The following JAM2 variants were observed in gnomAD, a reference collection of about 807,000 sequenced individuals.
The protein encoded by JAM2 is junctional adhesion molecule B.
Under a neutral mutation model 42.0 loss-of-function variants are expected in JAM2, and 17 were observed. That is an observed-to-expected ratio of 0.40 (90% CI 0.28 to 0.61). The LOEUF is 0.61. Among genes scored for constraint, JAM2 ranks in the 20% least tolerant of loss-of-function variants. JAM2 has a pLI of 0.37. For synonymous variants in JAM2, 118 were observed against 128.6 expected (o/e 0.92, Z 0.56); for missense variants, 319 against 358.3 (o/e 0.89, Z 0.89).
At chr21:25,680,700 G>C (rs1164647311) in intron 1 of JAM2, among the ~76,000 whole-genome samples, 2 of 152,188 alleles carry the variant, frequency 1.3e-5, no homozygotes, top group Non-Finnish European at 2.9e-5. Flanking sequence ...GCAAATAAAT[G>C]CTAGTTGGGT....
chr21:25,674,724 G>C lies in JAM2; in HGVS notation c.68-9159G>C, dbSNP rs73897026. ...GAGGAAGGGCCAGATTGTCTAGTTCGAGAGACTGTAAAGACATGTGTCTGC... is the reference window on the plus strand; with the variant it reads ...GAGGAAGGGCCAGATTGTCTAGTTCCAGAGACTGTAAAGACATGTGTCTGC... On this transcript the variant is annotated intron_variant, in intron 1 of 9. Coordinates refer to ENST00000480456, the MANE Select transcript of JAM2 (RefSeq NM_021219.4). Among the ~76,000 whole-genome samples the C allele has an allele frequency of 7.4e-3, 1,118 of 151,564 alleles. 18 individuals are homozygous for C. The highest frequency in any genetic ancestry group is 0.026 in the African/African-American group (1,054 of 41,258).
At chr21:25,647,774 A>C (rs1352653355) in intron 1 of JAM2, among the ~76,000 whole-genome samples, 1 of 152,278 alleles carries the variant, frequency 6.6e-6, no homozygotes, top group East Asian at 1.9e-4. Context: ...GCACCAGCTA[A>C]GATTCACAGA....
chr21:25,666,539 A>AT (rs1038546136), intron 1 of JAM2, among the ~76,000 whole-genome samples: 5 of 151,426 alleles, frequency 3.3e-5, no homozygotes, highest in African/African-American at 9.7e-5. Flanking sequence ...TGGCCAGGCT[A>AT]TTTTTTTATT....
intron 1 of JAM2, among the ~76,000 whole-genome samples, chr21:25,652,201 T>C (rs539846575): frequency 6.6e-6 from 1 of 151,856 alleles, no homozygotes; most frequent in African/African-American, 2.4e-5. Context: ...GCCTAGGCCA[T>C]ATAGGAAGGC....
At chr21:25,700,303 T>C (rs2034138185) in intron 5 of JAM2, among the ~76,000 whole-genome samples, 1 of 145,976 alleles carries the variant, frequency 6.9e-6, no homozygotes, top group Admixed American at 6.7e-5. Context: ...AGAATCACTA[T>C]GACAGCGATT....
chr21:25,677,140 T>A (rs1006924682), intron 1 of JAM2, among the ~76,000 whole-genome samples: 3 of 151,858 alleles, frequency 2.0e-5, no homozygotes, highest in African/African-American at 7.3e-5. Flanking sequence ...ACTTCACCAC[T>A]ACACAATATA....
chr21:25,685,804 G>C (rs1173473712), intron 2 of JAM2, among the ~76,000 whole-genome samples: 1 of 152,116 alleles, frequency 6.6e-6, no homozygotes, highest in Non-Finnish European at 1.5e-5. Flanking sequence ...ACAAGGGTGA[G>C]CACAGAGTGC....
At chr21:25,702,056 A>C (rs1289728197) in intron 5 of JAM2, 114 bp from the exon 6 acceptor site, 2 of 509,290 alleles carry the variant, frequency 3.9e-6, no homozygotes, top group Non-Finnish European at 3.4e-6. Context: ...GAAAGTCCCA[A>C]ATTTTTAAAA....
intron 1 of JAM2, among the ~76,000 whole-genome samples, chr21:25,641,890 G>T (rs2032454849): frequency 6.6e-6 from 1 of 152,134 alleles, no homozygotes; most frequent in African/African-American, 2.4e-5. Flanking sequence ...TGGGTTTGAG[G>T]AGTTCTGGTC....
At chr21:25,647,895 A>G (rs2032658139) in intron 1 of JAM2, among the ~76,000 whole-genome samples, 1 of 152,188 alleles carries the variant, frequency 6.6e-6, no homozygotes, top group South Asian at 2.1e-4. Context: ...AAAAGAGAGA[A>G]TGGTGTTTAT....
chr21:25,689,147 G>T (rs1411071395), intron 2 of JAM2, among the ~76,000 whole-genome samples: 1 of 152,080 alleles, frequency 6.6e-6, no homozygotes, highest in Non-Finnish European at 1.5e-5. Context: ...CTACATTGAG[G>T]CAGTTACACT....
intron 7 of JAM2, 63 bp from the exon 8 acceptor site, chr21:25,709,371 A>G (rs1288096933): frequency 2.4e-6 from 2 of 836,244 alleles, no homozygotes; most frequent in Non-Finnish European, 1.9e-6. Flanking sequence ...ACTCATTTTT[A>G]TATGAATCTG....
At chr21:25,697,005 C>CCATTTTTTTTTT (rs1568914092) in intron 4 of JAM2, among the ~76,000 whole-genome samples, 1 of 144,214 alleles carries the variant, frequency 6.9e-6, no homozygotes, top group Non-Finnish European at 1.5e-5. Context: ...AGGCACACAC[C>CCATTTTTTTTTT]TATTTTTTTT....
At chr21:25,660,783 T>TATATATATTTATATA (rs59547156) in intron 1 of JAM2, among the ~76,000 whole-genome samples, 1 of 36,394 alleles carries the variant, frequency 2.7e-5, no homozygotes, top group East Asian at 1.2e-3. Flanking sequence ...TATATATATA[T>TATATATATTTATATA]TTTTTTTTTT....
At chr21:25,656,303 A>G (rs186178415) in intron 1 of JAM2, among the ~76,000 whole-genome samples, 37 of 152,366 alleles carry the variant, frequency 2.4e-4, no homozygotes, top group Non-Finnish European at 4.1e-4. Context: ...AAACAAGTAA[A>G]GAGAATACCT....
intron 1 of JAM2, among the ~76,000 whole-genome samples, chr21:25,641,864 CT>C (rs1600981394): frequency 6.6e-6 from 1 of 152,086 alleles, no homozygotes; most frequent in East Asian, 1.9e-4. Flanking sequence ...GCTTCCCTTG[CT>C]TTCTCTTACT....
intron 6 of JAM2, among the ~76,000 whole-genome samples, chr21:25,704,134 A>G (rs2034224607): frequency 6.6e-6 from 1 of 152,130 alleles, no homozygotes; most frequent in African/African-American, 2.4e-5. Context: ...ACTACTACAA[A>G]GTAAATAGAA....
In JAM2 at chr21:25,643,898, G is replaced by GAAATT. The variant is rs1600983917; in HGVS notation, c.67+4010_67+4011insAAATT. ...CCATTGCATTGGTTTCCTCCTGTGG[G>GAAATT]CCTTCCTCATAGAGAAGATGTATTG... On this transcript the variant is annotated intron_variant, in intron 1 of 9. Transcript: ENST00000480456. 2.6e-5 allele frequency: 4 copies of GAAATT among 152,254 alleles called. No homozygotes were observed. In the East Asian group the frequency reaches 7.7e-4, roughly 29 times the overall value. 9.4% of individuals were successfully genotyped at this position (152,254 alleles called of 1,614,324 possible). A position where few individuals can be genotyped will look rare whatever the true frequency, so the allele number is the denominator to read the frequency against.
chr21:25,672,487 T>C (rs141950698), intron 1 of JAM2, among the ~76,000 whole-genome samples: 17 of 152,326 alleles, frequency 1.1e-4, no homozygotes, highest in African/African-American at 3.8e-4. Flanking sequence ...TTAAAAATGA[T>C]TTATTTGACA....
Sources: allele counts gnomAD v4.1 joint callset (sites outside exome capture counted in the v4.1 genomes callset), GRCh38; gene constraint gnomAD v4.1.1; transcripts MANE v1.5; gene names NCBI Gene and HGNC (gene_info 2026-07-23, HGNC 2026-07-21).